Variants in CACNA2D1 observed in about 807,000 individuals in gnomAD.
The protein encoded by CACNA2D1 is calcium voltage-gated channel auxiliary subunit alpha2delta 1, also known as voltage-dependent calcium channel subunit alpha-2/delta-1.
A neutral mutation model predicts 171.5 loss-of-function variants in CACNA2D1; 53 were observed. That is an observed-to-expected ratio of 0.31 (90% confidence interval 0.25 to 0.39). The LOEUF (loss-of-function observed/expected upper bound fraction) is 0.39. Among genes scored for constraint, CACNA2D1 ranks in the 10% least tolerant of loss-of-function variants. CACNA2D1 has a pLI of 1.00. For synonymous variants in CACNA2D1, 442 were observed against 443.1 expected, an observed-to-expected ratio of 1.00 and a Z score of 0.03; for missense variants, 903 against 1,299.8, an observed-to-expected ratio of 0.69 and a Z score of 4.69.
At chr7:82,273,517 C>T (rs1403543447) in intron 3 of CACNA2D1, among the ~76,000 whole-genome samples, 1 of 151,764 alleles carries the variant, frequency 6.6e-6, no homozygotes, top group African/African-American at 2.4e-5. Context: ...CAGGATCTTG[C>T]TATGTTGCCT....
intron 3 of CACNA2D1, among the ~76,000 whole-genome samples, chr7:82,269,253 C>T (rs993549731): frequency 1.3e-5 from 2 of 152,148 alleles, no homozygotes; most frequent in African/African-American, 4.8e-5. Flanking sequence ...ACACCCCTTA[C>T]AGCTGCCAAT....
chr7:82,013,452 T>C lies in CACNA2D1; in HGVS notation c.1272+9A>G. On this transcript the variant is annotated intron_variant, in intron 14 of 38. Transcript: ENST00000356860. ...AAAAATAATTTAAACAAGTTTTAAA[T>C]AATCATACCTGAGTATTGATTCTTA... 9.2e-7 allele frequency: 1 copy of C among 1,084,062 alleles called. No individual in the cohort carries two copies. The highest frequency in any genetic ancestry group is 1.3e-6 in the Non-Finnish European group (1 of 781,650). 67.2% of individuals were successfully genotyped at this position (1,084,062 alleles called of 1,614,324 possible).
At chr7:82,196,927 A>G (rs866326196) in intron 3 of CACNA2D1, among the ~76,000 whole-genome samples, 1 of 151,920 alleles carries the variant, frequency 6.6e-6, no homozygotes, top group Non-Finnish European at 1.5e-5. Context: ...TCTTTGGGGA[A>G]TTGAGCAAGG....
chr7:81,992,160 T>C (rs1182159343), intron 20 of CACNA2D1, among the ~76,000 whole-genome samples: 1 of 151,914 alleles, frequency 6.6e-6, no homozygotes, highest in African/African-American at 2.4e-5. Context: ...CATGTATAAT[T>C]TTTAATTTGC....
intron 6 of CACNA2D1, among the ~76,000 whole-genome samples, chr7:82,109,321 C>A (rs1489230841): frequency 2.0e-5 from 3 of 152,094 alleles, no homozygotes; most frequent in South Asian, 2.1e-4. Context: ...CTATTGTGAT[C>A]CAGATTCACA....
At chr7:82,430,983 A>C (rs981147164) in intron 1 of CACNA2D1, among the ~76,000 whole-genome samples, 4 of 152,170 alleles carry the variant, frequency 2.6e-5, no homozygotes, top group Non-Finnish European at 5.9e-5. Flanking sequence ...CTCCTACAAC[A>C]GGTGCTGACT....
chr7:82,328,941 A>G (rs965279431), intron 3 of CACNA2D1, among the ~76,000 whole-genome samples: 6 of 152,150 alleles, frequency 3.9e-5, no homozygotes, highest in African/African-American at 9.6e-5. Flanking sequence ...TTGAGTCTCT[A>G]AAGAATTTCA....
intron 1 of CACNA2D1, among the ~76,000 whole-genome samples, chr7:82,416,889 G>A (rs950972078): frequency 2.6e-5 from 4 of 152,158 alleles, no homozygotes; most frequent in South Asian, 2.1e-4. Context: ...TGATATTAAC[G>A]GTTTGCATAA....
chr7:82,327,997 T>A (rs1816857217), intron 3 of CACNA2D1, among the ~76,000 whole-genome samples: 1 of 152,120 alleles, frequency 6.6e-6, no homozygotes, highest in Non-Finnish European at 1.5e-5. Context: ...CCCTGTTGGG[T>A]CCTATCTGAG....
At chr7:82,120,874 C>A (rs1237568016) in intron 5 of CACNA2D1, among the ~76,000 whole-genome samples, 406 of 104,406 alleles carry the variant, frequency 3.9e-3, no homozygotes, top group South Asian at 5.0e-3. Context: ...GACTCTATCT[C>A]AAAAAAAAAA....
At chr7:82,276,655 A>G (rs1809369520) in intron 3 of CACNA2D1, among the ~76,000 whole-genome samples, 1 of 152,026 alleles carries the variant, frequency 6.6e-6, no homozygotes, top group African/African-American at 2.4e-5. Context: ...TTGTCACTCT[A>G]TTATTTGAAA....
intron 24 of CACNA2D1, among the ~76,000 whole-genome samples, chr7:81,976,681 C>T (rs1249542184): frequency 6.6e-6 from 1 of 152,010 alleles, no homozygotes; most frequent in African/African-American, 2.4e-5. Flanking sequence ...AGTGAAACCT[C>T]GTCTCTACTA....
intron 3 of CACNA2D1, among the ~76,000 whole-genome samples, chr7:82,242,076 T>C (rs751457386): frequency 3.9e-5 from 6 of 152,138 alleles, no homozygotes; most frequent in Non-Finnish European, 5.9e-5. Context: ...AAAAGAATGC[T>C]ATGAGGCTTG....
At chr7:81,970,928 T>G in intron 26 of CACNA2D1, 191 bp from the exon 27 acceptor site, 1 of 566,854 alleles carries the variant, frequency 1.8e-6, no homozygotes, top group East Asian at 3.0e-5. Context: ...AGACATCTCA[T>G]AGGAAATAAT....
chr7:82,310,472 C>T (rs73376121), intron 3 of CACNA2D1, among the ~76,000 whole-genome samples: 7,781 of 151,724 alleles, frequency 0.051, 244 homozygotes, highest in Middle Eastern at 0.085. Context: ...AAATTTTATG[C>T]GGTTAAATGG....
chr7:81,962,382 C>G (rs1045205624), intron 35 of CACNA2D1, 58 bp downstream of exon 35: 5 of 1,230,674 alleles, frequency 4.1e-6, no homozygotes, highest in Non-Finnish European at 5.9e-6. Flanking sequence ...ACTTCAAGCA[C>G]ATCCCAAAAG....
chr7:82,272,370 C>G (rs1454882748), intron 3 of CACNA2D1, among the ~76,000 whole-genome samples: 1 of 152,164 alleles, frequency 6.6e-6, no homozygotes, highest in East Asian at 1.9e-4. Context: ...GAAAAAATTA[C>G]TGTAGTGGCT....
At chr7:81,976,121 A>G (rs1795809609) in intron 24 of CACNA2D1, among the ~76,000 whole-genome samples, 1 of 152,160 alleles carries the variant, frequency 6.6e-6, no homozygotes, top group Non-Finnish European at 1.5e-5. Flanking sequence ...TATAATATTA[A>G]AAGACATGCA....
chr7:82,320,073 T>C (rs1815627918), intron 3 of CACNA2D1, among the ~76,000 whole-genome samples: 1 of 152,042 alleles, frequency 6.6e-6, no homozygotes. Flanking sequence ...AGGCTGATTT[T>C]TTTTTTTTAA....
Sources: gnomAD v4.1 joint callset for allele counts (sites outside exome capture counted in the v4.1 genomes callset) on GRCh38, gnomAD v4.1.1 for gene constraint, MANE v1.5 for transcripts, NCBI Gene and HGNC (gene_info 2026-07-23, HGNC 2026-07-21) for gene names.